The following AKAP13 variants were observed in gnomAD, a reference collection of about 807,000 sequenced individuals.
AKAP13 encodes A-kinase anchoring protein 13.
AKAP13 carries 80 observed loss-of-function variants against 264.5 expected under a neutral mutation model. The ratio of observed to expected loss-of-function variants is 0.30; its 90% CI spans 0.25 to 0.36. The LOEUF is 0.36. Among genes scored for constraint, AKAP13 ranks in the 10% least tolerant of loss-of-function variants. The pLI, the probability that AKAP13 is intolerant of heterozygous loss-of-function variation, is 1.00. For synonymous variants in AKAP13, 1,380 were observed against 1,250.2 expected (o/e 1.10, Z -2.19); for missense variants, 3,712 against 3,435.2 (o/e 1.08, Z -2.01).
intron 8 of AKAP13, among the ~76,000 whole-genome samples, chr15:85,618,644 GAA>G (rs2081043857): frequency 6.6e-6 from 1 of 152,054 alleles, no homozygotes; most frequent in Non-Finnish European, 1.5e-5. Flanking sequence ...GAAGGGTCTG[GAA>G]TAGTAAGAAA....
In AKAP13 at chr15:85,654,630, G is replaced by A. The variant is rs760020196; in HGVS notation, c.4375-787G>A. On this transcript the variant is annotated intron_variant, in intron 10 of 36. Coordinates refer to ENST00000394518, the MANE Select transcript of AKAP13 (RefSeq NM_007200.5). ...TCCCAGGAGTTGAAGACCATCCTGG[G>A]CAACATGGTGAAACCCTGTGTCTAA... Among the ~76,000 whole-genome samples the A allele has an allele frequency of 7.9e-5, 12 of 151,992 alleles. 1 individual carries two copies. Among genetic ancestry groups the A allele is most frequent in the South Asian group, 4.1e-4 (2 of 4,820 alleles).
At chr15:85,706,496 CCTGTCAAGAAGGGA>C in intron 17 of AKAP13, among the ~76,000 whole-genome samples, 1 of 152,112 alleles carries the variant, frequency 6.6e-6, no homozygotes, top group Middle Eastern at 3.2e-3. Context: ...GAAACGGAGG[CCTGTCAAGAAGGGA>C]CTAGGGTCAT....
chr15:85,735,235 A>G (rs2088358551), intron 31 of AKAP13, 85 bp downstream of exon 31: 5 of 1,519,222 alleles, frequency 3.3e-6, no homozygotes, highest in South Asian at 1.3e-5. Context: ...TAGTAGCTAC[A>G]TCACCGCTCC....
At chr15:85,459,522 T>C (rs1010588649) in intron 1 of AKAP13, among the ~76,000 whole-genome samples, 23 of 145,372 alleles carry the variant, frequency 1.6e-4, no homozygotes, top group Admixed American at 2.7e-4. Context: ...TTTTTTGAGA[T>C]GGAGTCTCGC....
At chr15:85,670,433 A>G (rs2083863317) in intron 14 of AKAP13, among the ~76,000 whole-genome samples, 1 of 151,244 alleles carries the variant, frequency 6.6e-6, no homozygotes, top group African/African-American at 2.4e-5. Context: ...AGAGTACCTT[A>G]TACTCTTATA....
chr15:85,432,077 A>G (rs1010572965), intron 1 of AKAP13, among the ~76,000 whole-genome samples: 1 of 151,684 alleles, frequency 6.6e-6, no homozygotes, highest in Admixed American at 6.6e-5. Context: ...TGAATGTTAC[A>G]TACCAGATTA....
intron 2 of AKAP13, among the ~76,000 whole-genome samples, chr15:85,486,322 C>T (rs2075543335): frequency 1.3e-5 from 2 of 152,044 alleles, no homozygotes; most frequent in South Asian, 4.1e-4. Context: ...GAATTCTTTG[C>T]ATAACCTAAA....
intron 19 of AKAP13, among the ~76,000 whole-genome samples, 165 bp downstream of exon 19, chr15:85,710,810 A>G (rs2086595552): frequency 6.6e-6 from 1 of 152,196 alleles, no homozygotes; most frequent in Admixed American, 6.5e-5. Context: ...CTTTACCCAT[A>G]TAACATTATA....
chr15:85,397,046 G>A (rs550669049), intron 1 of AKAP13, among the ~76,000 whole-genome samples: 2 of 70,340 alleles, frequency 2.8e-5, no homozygotes, highest in Admixed American at 2.2e-4. Flanking sequence ...CCCGCCCCCC[G>A]AGGATTATTT....
chr15:85,679,219 G>A (rs1338064435), intron 14 of AKAP13, among the ~76,000 whole-genome samples: 1 of 151,252 alleles, frequency 6.6e-6, no homozygotes, highest in African/African-American at 2.4e-5. Flanking sequence ...CAGCCCAGGC[G>A]ACAGTGTGAG....
intron 33 of AKAP13, 43 bp downstream of exon 33, chr15:85,736,177 T>G: frequency 1.3e-6 from 2 of 1,487,200 alleles, no homozygotes; most frequent in Non-Finnish European, 1.9e-6. Context: ...GTGTTTGTTG[T>G]CATTGTCAAG....
At chr15:85,434,092 C>G (rs2073151453) in intron 1 of AKAP13, among the ~76,000 whole-genome samples, 1 of 150,846 alleles carries the variant, frequency 6.6e-6, no homozygotes, top group Non-Finnish European at 1.5e-5. Context: ...GAGTGCCAGA[C>G]GGCGCAGGCC....
At chr15:85,453,729 C>G (rs970448866) in intron 1 of AKAP13, among the ~76,000 whole-genome samples, 13 of 151,798 alleles carry the variant, frequency 8.6e-5, no homozygotes, top group Admixed American at 4.6e-4. Flanking sequence ...GCTGAGTCAC[C>G]CAAACAGCAA....
At chr15:85,467,671 G>A (rs971562842) in intron 1 of AKAP13, among the ~76,000 whole-genome samples, 1 of 152,080 alleles carries the variant, frequency 6.6e-6, no homozygotes, top group African/African-American at 2.4e-5. Context: ...TATCTACTTT[G>A]AAGGAAAAGA....
intron 1 of AKAP13, among the ~76,000 whole-genome samples, chr15:85,406,671 A>G (rs2071683704): frequency 6.6e-6 from 1 of 151,506 alleles, no homozygotes; most frequent in African/African-American, 2.4e-5. Flanking sequence ...GAAATAAACT[A>G]CTTATGTTAT....
chr15:85,619,921 T>C (rs1388915760), intron 8 of AKAP13: 1 of 1,435,628 alleles, frequency 7.0e-7, no homozygotes, highest in Non-Finnish European at 9.1e-7. Context: ...GATTTCTTTT[T>C]AATTCATTGT....
At chr15:85,717,890 A>G (rs770010364) in intron 21 of AKAP13, 117 bp from the exon 22 acceptor site, 2 of 978,808 alleles carry the variant, frequency 2.0e-6, no homozygotes, top group Non-Finnish European at 3.0e-6. Flanking sequence ...ATCTCTGTGA[A>G]TATCCCCTGT....
At chr15:85,636,884 G>A (rs2082093322) in intron 8 of AKAP13, among the ~76,000 whole-genome samples, 1 of 152,176 alleles carries the variant, frequency 6.6e-6, no homozygotes, top group Admixed American at 6.5e-5. Flanking sequence ...CAAAGTGCTG[G>A]GATTACAGGC....
At chr15:85,737,409 C>T (rs550016990) in intron 33 of AKAP13, among the ~76,000 whole-genome samples, 3 of 152,142 alleles carry the variant, frequency 2.0e-5, no homozygotes, top group East Asian at 1.9e-4. Flanking sequence ...GAATAGAAGC[C>T]GATACATGAT....
Sources: allele counts gnomAD v4.1 joint callset (sites outside exome capture counted in the v4.1 genomes callset), GRCh38; gene constraint gnomAD v4.1.1; transcripts MANE v1.5; gene names NCBI Gene and HGNC (gene_info 2026-07-23, HGNC 2026-07-21).